The following SOX6 variants were observed in gnomAD, a reference collection of about 807,000 sequenced individuals.
SOX6 encodes SRY-box transcription factor 6.
Under a neutral mutation model 97.8 loss-of-function variants are expected in SOX6, and 11 were observed. The observed-to-expected ratio is 0.11, with a 90% CI of 0.07 to 0.19. The LOEUF (loss-of-function observed/expected upper bound fraction) is 0.19. Ranked by LOEUF, SOX6 falls within the 10% of genes least tolerant of loss-of-function variation. SOX6 has a pLI of 1.00. For missense variants in SOX6, 810 were observed against 1,039.5 expected, an observed-to-expected ratio of 0.78 and a Z score of 3.04; for synonymous variants, 360 against 371.4, an observed-to-expected ratio of 0.97 and a Z score of 0.35.
chr11:16,010,271 T>C (rs1461288698), intron 13 of SOX6, among the ~76,000 whole-genome samples: 1 of 151,790 alleles, frequency 6.6e-6, no homozygotes, highest in Admixed American at 6.6e-5. Flanking sequence ...GTGAGAGCAA[T>C]AGTCCCAAAA....
Position 16,366,657 on chromosome 11 carries a change from T to G in SOX6, c.-4-25405A>C, listed in dbSNP as rs554261579. The stretch of plus-strand genomic sequence containing the variant: ...CATCACAATTACTTTCTTTCTGCAT[T>G]GAGATATACACAAATTTACTAGGAA... On this transcript the variant is annotated intron_variant, in intron 1 of 15. Coordinates refer to the SOX6 transcript ENST00000396356. 6.6e-5 allele frequency among the ~76,000 whole-genome samples: 10 copies of G among 152,262 alleles called. No homozygotes were observed. The South Asian group carries it at 2.1e-3, about 32-fold the overall frequency.
chr11:15,970,226 G>A lies in SOX6; in HGVS notation c.*2583C>T, dbSNP rs1480454795. On this transcript the variant is annotated 3_prime_UTR_variant, in exon 16 of 16. Transcript: ENST00000683767. ...CACTTACGAAACAACATCTGTGAGT[G>A]TGTGTGTTTTTTGTTTTTTTTTACT... 1 of 152,544 alleles carries A rather than the reference G, an allele frequency of 6.6e-6. No homozygotes were observed. Among genetic ancestry groups the A allele is most frequent in the Non-Finnish European group, 1.5e-5 (1 of 68,018 alleles). 9.4% of individuals were successfully genotyped at this position (152,544 alleles called of 1,614,324 possible). A position where few individuals can be genotyped will look rare whatever the true frequency, so the allele number is the denominator to read the frequency against.
chr11:16,517,748 T>G (rs1860996304), intron 4 of SOX6, among the ~76,000 whole-genome samples: 1 of 152,180 alleles, frequency 6.6e-6, no homozygotes, highest in African/African-American at 2.4e-5. Flanking sequence ...AACAGTTCAT[T>G]AAAAGTATTC....
At chr11:16,030,743 G>A (rs529808500) in intron 12 of SOX6, among the ~76,000 whole-genome samples, 32 of 152,160 alleles carry the variant, frequency 2.1e-4, no homozygotes, top group Middle Eastern at 3.4e-3. Context: ...GACCTGATTT[G>A]CTTGAAATAG....
At position 16,222,029 on chromosome 11, in the gene SOX6, A is replaced by T. The variant is rs137931486; in HGVS notation, c.535+12553T>A. On this transcript the variant is annotated intron_variant, in intron 4 of 15. Coordinates refer to ENST00000683767, the MANE Select transcript of SOX6 (RefSeq NM_001367873.1). ...ATTCACAATAGCACGAAAAGGTTGT[A>T]AAATACTCCTCTCTTTAACTCCATA... Among the ~76,000 whole-genome samples, 573 of 152,234 alleles carry T rather than the reference A, an allele frequency of 3.8e-3. 3 individuals carry two copies. The highest frequency in any genetic ancestry group is 0.013 in the African/African-American group (539 of 41,548).
chr11:16,177,031 C>T (rs1851206720), intron 6 of SOX6, among the ~76,000 whole-genome samples: 1 of 151,816 alleles, frequency 6.6e-6, no homozygotes, highest in Non-Finnish European at 1.5e-5. Flanking sequence ...AAAGTGGAGA[C>T]TTACATATAG....
intron 1 of SOX6, among the ~76,000 whole-genome samples, chr11:16,420,523 G>T (rs1035031693): frequency 6.6e-5 from 10 of 152,086 alleles, no homozygotes; most frequent in African/African-American, 2.4e-4. Flanking sequence ...AAATACATCT[G>T]GGCAGAGAAC....
intron 13 of SOX6, among the ~76,000 whole-genome samples, chr11:15,998,082 A>AAAAAT (rs1405232547): frequency 6.6e-6 from 1 of 151,758 alleles, no homozygotes; most frequent in African/African-American, 2.4e-5. Context: ...TCCATCTCAA[A>AAAAAT]AAAATAAAAT....
At chr11:16,235,131 T>C (rs1056149863) in intron 3 of SOX6, among the ~76,000 whole-genome samples, 6 of 151,956 alleles carry the variant, frequency 3.9e-5, no homozygotes, top group African/African-American at 1.4e-4. Context: ...ACCACTTAGT[T>C]CTTAAAAAAG....
At chr11:16,472,201 T>G (rs910714611) in intron 1 of SOX6, among the ~76,000 whole-genome samples, 1 of 152,244 alleles carries the variant, frequency 6.6e-6, no homozygotes, top group Non-Finnish European at 1.5e-5. Context: ...GAAGGCCATC[T>G]TGGTTTGAAA....
intron 4 of SOX6, among the ~76,000 whole-genome samples, chr11:16,499,740 C>A (rs1232191008): frequency 6.6e-6 from 1 of 152,194 alleles, no homozygotes; most frequent in African/African-American, 2.4e-5. Context: ...GACACATACA[C>A]CCTCCCAACA....
chr11:16,350,708 A>G (rs998849513), intron 1 of SOX6, among the ~76,000 whole-genome samples: 2 of 152,198 alleles, frequency 1.3e-5, no homozygotes, highest in Admixed American at 1.3e-4. Flanking sequence ...ATGCTTACAT[A>G]GCATAAGCTC....
chr11:16,661,009 T>C (rs1379972805), intron 3 of SOX6, among the ~76,000 whole-genome samples: 1 of 152,254 alleles, frequency 6.6e-6, no homozygotes, highest in Non-Finnish European at 1.5e-5. Flanking sequence ...TTGCTAATTT[T>C]CTAACTGCTG....
At chr11:16,443,461 T>C (rs1184369372) in intron 1 of SOX6, among the ~76,000 whole-genome samples, 1 of 152,214 alleles carries the variant, frequency 6.6e-6, no homozygotes, top group Non-Finnish European at 1.5e-5. Context: ...TTAGCACCTG[T>C]TGTAAACCAA....
chr11:16,014,840 G>A, intron 13 of SOX6, 102 bp downstream of exon 13: 1 of 1,062,718 alleles, frequency 9.4e-7, no homozygotes, highest in South Asian at 1.3e-5. Context: ...AAGAAATCTA[G>A]TGATGACTCC....
chr11:16,630,784 T>A (rs1428676032), intron 3 of SOX6, among the ~76,000 whole-genome samples: 1 of 152,232 alleles, frequency 6.6e-6, no homozygotes, highest in African/African-American at 2.4e-5. Flanking sequence ...GGATGTGTTA[T>A]ATGTAGGACA....
At chr11:16,714,094 A>G (rs1032197660) in intron 3 of SOX6, among the ~76,000 whole-genome samples, 1 of 152,226 alleles carries the variant, frequency 6.6e-6, no homozygotes, top group African/African-American at 2.4e-5. Flanking sequence ...TAATTTTTCA[A>G]AAGTATTAGA....
At chr11:16,459,882 G>A (rs1420305062) in intron 1 of SOX6, among the ~76,000 whole-genome samples, 2 of 151,718 alleles carry the variant, frequency 1.3e-5, no homozygotes, top group Non-Finnish European at 2.9e-5. Flanking sequence ...TAATATGGAG[G>A]GGCACGAACA....
chr11:16,736,085 TC>T (rs1410909175), intron 2 of SOX6, among the ~76,000 whole-genome samples: 1 of 152,226 alleles, frequency 6.6e-6, no homozygotes, highest in Non-Finnish European at 1.5e-5. Flanking sequence ...TTTCTAGGCC[TC>T]ATATAAGATA....
Sources: gnomAD v4.1 joint callset for allele counts (sites outside exome capture counted in the v4.1 genomes callset) on GRCh38, gnomAD v4.1.1 for gene constraint, MANE v1.5 for transcripts, NCBI Gene and HGNC (gene_info 2026-07-23, HGNC 2026-07-21) for gene names.